Variants in FBXL13 observed in about 807,000 individuals in gnomAD.
FBXL13 encodes F-box and leucine-rich repeat protein 13.
FBXL13 carries 67 observed loss-of-function variants against 83.6 expected under a neutral mutation model. The observed-to-expected ratio is 0.80, with a 90% CI of 0.66 to 0.98. The LOEUF is 0.98. FBXL13 is among the 50% of genes least tolerant of loss of function. FBXL13 has a pLI of 0.00. For missense variants in FBXL13, 822 were observed against 866.5 expected (o/e 0.95, Z 0.64); for synonymous variants, 272 against 299.5 (o/e 0.91, Z 0.95).
At chr7:102,975,829 C>T (rs1010482053) in intron 6 of FBXL13, 67 of 640,162 alleles carry the variant, frequency 1.0e-4, no homozygotes, top group Admixed American at 2.3e-4. Flanking sequence ...CTTTAACAAT[C>T]GTGATGAGGA....
At chr7:102,897,356 A>T (rs1391457308) in intron 11 of FBXL13, among the ~76,000 whole-genome samples, 1 of 152,112 alleles carries the variant, frequency 6.6e-6, no homozygotes, top group Non-Finnish European at 1.5e-5. Flanking sequence ...ACTTTAACAA[A>T]TACTATTAAA....
intron 8 of FBXL13, among the ~76,000 whole-genome samples, chr7:102,935,247 T>C (rs1184703761): frequency 1.2e-4 from 4 of 34,714 alleles, no homozygotes; most frequent in African/African-American, 1.9e-4. Flanking sequence ...TCTTTCTTTT[T>C]TTTTTTTTTT....
chr7:102,936,221 C>G lies in FBXL13; in HGVS notation c.725-4288G>C, dbSNP rs185377019. ...ATTCTAGGCTCCAGGTACCCACACA[C>G]GCATGCTGTCTACAACTTCCAGGAA... On this transcript the variant is annotated intron_variant, in intron 8 of 19. Coordinates refer to ENST00000313221, the Ensembl canonical transcript of FBXL13. 4 of 152,228 alleles carry G rather than the reference C, an allele frequency of 2.6e-5. No individual in the cohort carries two copies. In the East Asian group the frequency reaches 7.7e-4, roughly 29 times the overall value. The allele number at this position is 152,228 out of a possible 1,614,324, so 9.4% of individuals were successfully genotyped here.
intron 10 of FBXL13, among the ~76,000 whole-genome samples, chr7:102,917,750 C>T (rs1816189810): frequency 2.0e-5 from 3 of 152,070 alleles, no homozygotes; most frequent in Admixed American, 6.6e-5. Flanking sequence ...CTTCTTGTAG[C>T]GTGAGATAGA....
At chr7:102,873,335 C>T (rs1406495621) in intron 16 of FBXL13, among the ~76,000 whole-genome samples, 1 of 152,208 alleles carries the variant, frequency 6.6e-6, no homozygotes, top group Non-Finnish European at 1.5e-5. Flanking sequence ...GGAAGGCACA[C>T]CATCCTTTAT....
chr7:102,947,976 T>C (rs551831299), intron 8 of FBXL13, among the ~76,000 whole-genome samples: 1 of 152,282 alleles, frequency 6.6e-6, no homozygotes, highest in South Asian at 2.1e-4. Flanking sequence ...CTGGAGCCTA[T>C]GCCCTGGATC....
At chr7:103,039,379 G>A (rs1345390324) in intron 2 of FBXL13, among the ~76,000 whole-genome samples, 1 of 152,168 alleles carries the variant, frequency 6.6e-6, no homozygotes, top group Non-Finnish European at 1.5e-5. Context: ...CAGGGAGAAT[G>A]CAATCAAGTT....
intron 11 of FBXL13, among the ~76,000 whole-genome samples, chr7:102,907,757 T>C (rs1485566953): frequency 3.9e-5 from 6 of 152,160 alleles, no homozygotes; most frequent in African/African-American, 1.4e-4. Context: ...TCTTTGCTAT[T>C]GTGAAGGGTG....
intron 2 of FBXL13, among the ~76,000 whole-genome samples, chr7:103,039,097 C>A (rs1295874852): frequency 1.3e-5 from 2 of 152,144 alleles, no homozygotes; most frequent in Non-Finnish European, 2.9e-5. Flanking sequence ...GAATGGCTAA[C>A]TAGAATGAAT....
intron 11 of FBXL13, among the ~76,000 whole-genome samples, chr7:102,892,599 C>T (rs1420635556): frequency 1.3e-5 from 2 of 152,150 alleles, no homozygotes; most frequent in Non-Finnish European, 2.9e-5. Context: ...TGACTCATAA[C>T]TACTTTTCCA....
chr7:102,973,231 C>T (rs1826951722), intron 6 of FBXL13: 2 of 265,486 alleles, frequency 7.5e-6, no homozygotes, highest in African/African-American at 4.5e-5. Flanking sequence ...CCCCAACGCC[C>T]GAAAGCTTGA....
At chr7:102,874,198 T>G in intron 16 of FBXL13, 1 of 246,502 alleles carries the variant, frequency 4.1e-6, no homozygotes, top group Non-Finnish European at 6.5e-6. Flanking sequence ...CATTCCAGAG[T>G]TTAAATCCTG....
chr7:102,993,656 C>CA (rs1462632177), intron 6 of FBXL13, among the ~76,000 whole-genome samples: 7 of 152,160 alleles, frequency 4.6e-5, no homozygotes, highest in Admixed American at 2.6e-4. Flanking sequence ...CCAACCCTCC[C>CA]ACTAGCTCTA....
chr7:103,066,718 T>C (rs1025445520), intron 1 of FBXL13, among the ~76,000 whole-genome samples: 2 of 152,152 alleles, frequency 1.3e-5, no homozygotes, highest in African/African-American at 4.8e-5. Flanking sequence ...TAAAAGCTAC[T>C]GTTTAAAACT....
At chr7:103,027,531 A>G in exon 5 of FBXL13, 1 of 1,612,600 alleles carries the variant, frequency 6.2e-7, no homozygotes, top group Non-Finnish European at 8.5e-7. Context: ...GTGACAATAG[A>G]TGATCTGTTG....
intron 16 of FBXL13, among the ~76,000 whole-genome samples, chr7:102,873,620 T>TA (rs1218006889): frequency 1.3e-5 from 2 of 152,236 alleles, no homozygotes; most frequent in Admixed American, 1.3e-4. Flanking sequence ...CTGACCATGT[T>TA]ACTGTTCTAA....
intron 11 of FBXL13, among the ~76,000 whole-genome samples, chr7:102,895,270 TGTG>T (rs1308037186): frequency 6.6e-6 from 1 of 152,066 alleles, no homozygotes. Flanking sequence ...TGCAAGTTAA[TGTG>T]GTGAATGGAG....
At chr7:102,983,323 C>T (rs1166964549) in intron 6 of FBXL13, among the ~76,000 whole-genome samples, 3 of 152,112 alleles carry the variant, frequency 2.0e-5, no homozygotes, top group Non-Finnish European at 4.4e-5. Flanking sequence ...AAAGAAGACT[C>T]ACCAGAAGTT....
chr7:102,878,315 G>T lies in FBXL13; in HGVS notation c.1508+16C>A. On this transcript the variant is annotated intron_variant, in intron 15 of 19. Coordinates refer to ENST00000313221, the Ensembl canonical transcript of FBXL13. ...ACAATACTAATGATATGATGTAAAA[G>T]ACTGTTTTATCATACCGCTCAGATA... The T allele has an allele frequency of 1.9e-6, 3 of 1,581,994 alleles. No individual in the cohort carries two copies. The highest frequency in any genetic ancestry group is 2.6e-6 in the Non-Finnish European group (3 of 1,167,494).
Sources: gnomAD v4.1 joint callset for allele counts (sites outside exome capture counted in the v4.1 genomes callset) on GRCh38, gnomAD v4.1.1 for gene constraint, MANE v1.5 for transcripts, NCBI Gene and HGNC (gene_info 2026-07-23, HGNC 2026-07-21) for gene names.